CLUAP1: variants seen among roughly 807,000 people sequenced by gnomAD.
CLUAP1 encodes the protein intraflagellar transport 38.
A neutral mutation model predicts 55.0 loss-of-function variants in CLUAP1; 50 were observed. The observed-to-expected ratio is 0.91, with a 90% CI of 0.72 to 1.15. The LOEUF is 1.15. Among genes scored for constraint, CLUAP1 ranks in the 50% most tolerant of loss-of-function variants. The pLI is 0.00. For missense variants in CLUAP1, 530 were observed against 507.6 expected, an observed-to-expected ratio of 1.04 and a Z score of -0.42; for synonymous variants, 195 against 175.4, an observed-to-expected ratio of 1.11 and a Z score of -0.88.
At chr16:3,511,476 C>T (rs2037623685) in intron 4 of CLUAP1, among the ~76,000 whole-genome samples, 2 of 152,160 alleles carry the variant, frequency 1.3e-5, no homozygotes, top group African/African-American at 2.4e-5. Flanking sequence ...GGGTGCCACC[C>T]GATTTGCGCC....
At chr16:3,511,131 A>G (rs896056824) in intron 4 of CLUAP1, among the ~76,000 whole-genome samples, 4 of 152,322 alleles carry the variant, frequency 2.6e-5, no homozygotes, top group Non-Finnish European at 5.9e-5. Flanking sequence ...GAGCCAGAGC[A>G]GGCTGGATCC....
chr16:3,500,797 A>T (rs2151036581), upstream of CLUAP1: 1 of 543,670 alleles, frequency 1.8e-6, no homozygotes, highest in South Asian at 2.2e-5. Flanking sequence ...CAAAGCGTGT[A>T]AACAGACGCC....
At chr16:3,501,552 G>A (rs1277940198) in intron 1 of CLUAP1, among the ~76,000 whole-genome samples, 1 of 152,202 alleles carries the variant, frequency 6.6e-6, no homozygotes, top group Non-Finnish European at 1.5e-5. Flanking sequence ...GGAGGCCGAG[G>A]CGGGCGAATC....
chr16:3,532,262 T>A (rs1382374836), intron 10 of CLUAP1, among the ~76,000 whole-genome samples: 1 of 152,188 alleles, frequency 6.6e-6, no homozygotes, highest in Non-Finnish European at 1.5e-5. Context: ...CATGTCTGCA[T>A]ATCTTTAGGT....
intron 4 of CLUAP1, among the ~76,000 whole-genome samples, chr16:3,511,649 G>A (rs1273456579): frequency 6.6e-6 from 1 of 152,190 alleles, no homozygotes; most frequent in Non-Finnish European, 1.5e-5. Flanking sequence ...GTCCAAGTAG[G>A]AAGCACGTCA....
At chr16:3,534,220 C>T (rs2038186479) in intron 11 of CLUAP1, 1 of 152,448 alleles carries the variant, frequency 6.6e-6, no homozygotes, top group African/African-American at 2.4e-5. Flanking sequence ...ATAACAGCTT[C>T]AGGGGACAGG....
intron 9 of CLUAP1, among the ~76,000 whole-genome samples, chr16:3,529,451 T>TTATATAATATATATTATATTATA (rs1567439230): frequency 1.8e-5 from 1 of 57,028 alleles, no homozygotes; most frequent in Non-Finnish European, 3.3e-5. Flanking sequence ...ATATTATATA[T>TTATATAATATATATTATATTATA]TATTATATAT....
chr16:3,531,421 C>T (rs2038115783), intron 10 of CLUAP1, among the ~76,000 whole-genome samples: 1 of 151,984 alleles, frequency 6.6e-6, no homozygotes, highest in South Asian at 2.1e-4. Flanking sequence ...ACTCGGGAGG[C>T]TGAGACAGGA....
At chr16:3,513,593 A>T (rs1383367222) in intron 5 of CLUAP1, among the ~76,000 whole-genome samples, 1 of 151,932 alleles carries the variant, frequency 6.6e-6, no homozygotes, top group Non-Finnish European at 1.5e-5. Context: ...GCAATTACAG[A>T]TATGTGTCAC....
chr16:3,505,637 A>G (rs1030346771), intron 2 of CLUAP1, among the ~76,000 whole-genome samples: 1 of 151,850 alleles, frequency 6.6e-6, no homozygotes, highest in Non-Finnish European at 1.5e-5. Context: ...GGAGACGACT[A>G]TTCCTCAGTA....
rs62037032 is a variant in CLUAP1, at chr16:3,534,850, G to A, written c.1093-1272G>A. ...TGTGACAGCCACATGCTAGGGTTGAGTAGCCAGGTGGAATTTAAGTCTGGA... is the reference window on the plus strand; with the variant it reads ...TGTGACAGCCACATGCTAGGGTTGAATAGCCAGGTGGAATTTAAGTCTGGA... On this transcript the variant is annotated intron_variant, in intron 11 of 11. Transcript: ENST00000576634. The A allele has an allele frequency of 6.7e-3, 1,018 of 152,388 alleles. 8 individuals carry two copies. Among genetic ancestry groups the A allele is most frequent in the Non-Finnish European group, 0.012 (791 of 68,074 alleles). The allele number at this position is 152,388 out of a possible 1,614,324, so 9.4% of individuals were successfully genotyped here.
chr16:3,521,793 G>T (rs563603063), intron 7 of CLUAP1, among the ~76,000 whole-genome samples: 2 of 150,736 alleles, frequency 1.3e-5, no homozygotes, highest in Non-Finnish European at 3.0e-5. Context: ...AGTGATTCAC[G>T]TCTATAATCC....
chr16:3,503,407 C>G (rs1477037104), intron 1 of CLUAP1, among the ~76,000 whole-genome samples: 3 of 152,236 alleles, frequency 2.0e-5, no homozygotes, highest in Non-Finnish European at 2.9e-5. Context: ...TTGTGATCCA[C>G]TCGCCTCGGC....
chr16:3,530,471 G>T (rs2038091926), intron 9 of CLUAP1, 97 bp from the exon 10 acceptor site: 1 of 800,908 alleles, frequency 1.2e-6, no homozygotes, highest in South Asian at 1.5e-5. Context: ...AATAAGAAAT[G>T]AACAAATGAC....
intron 4 of CLUAP1, among the ~76,000 whole-genome samples, chr16:3,509,528 C>T (rs757640385): frequency 7.2e-5 from 11 of 152,204 alleles, no homozygotes; most frequent in Non-Finnish European, 1.0e-4. Context: ...TGGCTTTGAG[C>T]AGAGTGCTGG....
chr16:3,500,973 G>A, upstream of CLUAP1: 3 of 1,302,342 alleles, frequency 2.3e-6, no homozygotes, highest in Non-Finnish European at 3.2e-6. Flanking sequence ...GCCGTCCAAG[G>A]GTCCATTGGT....
intron 9 of CLUAP1, among the ~76,000 whole-genome samples, chr16:3,528,901 A>C (rs2038001088): frequency 6.6e-6 from 1 of 152,212 alleles, no homozygotes; most frequent in Non-Finnish European, 1.5e-5. Context: ...TTTAATTGTC[A>C]CTGTCAGCTC....
intron 4 of CLUAP1, among the ~76,000 whole-genome samples, chr16:3,510,152 A>G (rs147773571): frequency 0.017 from 2,653 of 152,108 alleles, 88 homozygotes; most frequent in African/African-American, 0.057. Context: ...GCGCCACCAC[A>G]CCCAGCTAAT....
intron 6 of CLUAP1, among the ~76,000 whole-genome samples, chr16:3,518,476 C>T (rs1277363039): frequency 2.6e-5 from 4 of 152,144 alleles, no homozygotes; most frequent in Non-Finnish European, 5.9e-5. Context: ...TTTCAGAAAC[C>T]AGGGAAAATT....
Sources: gnomAD v4.1 joint callset for allele counts (sites outside exome capture counted in the v4.1 genomes callset) on GRCh38, gnomAD v4.1.1 for gene constraint, MANE v1.5 for transcripts, NCBI Gene and HGNC (gene_info 2026-07-23, HGNC 2026-07-21) for gene names.